PRH1: variants seen among roughly 807,000 people sequenced by gnomAD.
PRH1 encodes proline rich protein HaeIII subfamily 1, also known as salivary acidic proline-rich phosphoprotein 1/2.
Under a neutral mutation model 7.9 loss-of-function variants are expected in PRH1, and 7 were observed. That is an observed-to-expected ratio of 0.89 (90% CI 0.50 to 1.67). The LOEUF (loss-of-function observed/expected upper bound fraction) is 1.67. Ranked by LOEUF, PRH1 falls within the 40% of genes most tolerant of loss-of-function variation. The pLI is 0.00. For missense variants in PRH1, 109 were observed against 223.6 expected, an observed-to-expected ratio of 0.49 and a Z score of 3.27; for synonymous variants, 45 against 80.8, an observed-to-expected ratio of 0.56 and a Z score of 2.38.
intron 1 of PRH1, among the ~76,000 whole-genome samples, chr12:10,988,136 T>C (rs1939745267): frequency 6.6e-6 from 1 of 152,108 alleles, no homozygotes; most frequent in African/African-American, 2.4e-5. Context: ...GATGCAGAAC[T>C]TGGCCCATCT....
At chr12:11,045,515 C>T (rs571900043) in intron 1 of PRH1, among the ~76,000 whole-genome samples, 1 of 152,030 alleles carries the variant, frequency 6.6e-6, no homozygotes, top group African/African-American at 2.4e-5. Context: ...ATGCCTGTAT[C>T]AACACATCTC....
rs1239623935 is a variant in PRH1, at chr12:11,168,291, A to AG, written n.39+3130dup. Among the ~76,000 whole-genome samples the AG allele has an allele frequency of 5.8e-4, 9 of 15,392 alleles. 4 individuals are homozygous for AG. The highest frequency in any genetic ancestry group is 1.9e-3 in the African/African-American group (9 of 4,760). 10.1% of individuals were successfully genotyped at this position (15,392 alleles called of 152,430 possible). ...AAGAAAGAAAGAAAGAAAGAAAGAA[A>AG]GAAAGAAAGAAGGAAGGAAGGAAGG... On this transcript the variant is annotated intron_variant and non_coding_transcript_variant, in intron 1 of 1. Transcript: ENST00000541175.
chr12:10,905,608 G>A (rs1949791930), intron 2 of PRH1, among the ~76,000 whole-genome samples: 1 of 152,038 alleles, frequency 6.6e-6, no homozygotes, highest in Non-Finnish European at 1.5e-5. Context: ...GGAGGCAGCA[G>A]TGAGCTGAGA....
chr12:11,046,098 G>A (rs1565589227), intron 1 of PRH1, among the ~76,000 whole-genome samples: 2 of 152,098 alleles, frequency 1.3e-5, no homozygotes, highest in Non-Finnish European at 2.9e-5. Context: ...ATAACTTCCA[G>A]TTTTCTCCTT....
intron 1 of PRH1, among the ~76,000 whole-genome samples, chr12:11,093,924 G>C (rs150249323): frequency 0.018 from 2,004 of 114,236 alleles, 497 homozygotes; most frequent in African/African-American, 0.055. Flanking sequence ...AACTATTGAA[G>C]TCAGATTGCC....
intron 1 of PRH1, among the ~76,000 whole-genome samples, chr12:11,168,201 G>A (rs535747365): frequency 2.7e-5 from 1 of 37,056 alleles, no homozygotes; most frequent in Non-Finnish European, 8.0e-5. Flanking sequence ...GGCAAAAAAC[G>A]AAAGAAAGAA....
chr12:11,069,398 G>C (rs1400748246), intron 1 of PRH1, among the ~76,000 whole-genome samples: 53 of 151,146 alleles, frequency 3.5e-4, no homozygotes, highest in East Asian at 7.8e-4. Flanking sequence ...CAACACAACA[G>C]GCATCATTGC....
At chr12:10,913,143 G>A (rs913770322) in intron 2 of PRH1, among the ~76,000 whole-genome samples, 2 of 152,170 alleles carry the variant, frequency 1.3e-5, no homozygotes, top group African/African-American at 4.8e-5. Flanking sequence ...CACATGAGGT[G>A]ACATTATCTA....
At chr12:10,939,137 T>C in intron 2 of PRH1, 1 of 1,601,894 alleles carries the variant, frequency 6.2e-7, no homozygotes, top group South Asian at 1.1e-5. Context: ...TATGAAACTA[T>C]TTCCTAAATT....
At chr12:11,035,423 A>G (rs1942395661) in intron 1 of PRH1, among the ~76,000 whole-genome samples, 1 of 151,370 alleles carries the variant, frequency 6.6e-6, no homozygotes. Flanking sequence ...CTGGTTTTTA[A>G]CTCTATTGGA....
chr12:11,051,900 T>C (rs374222026), upstream of PRH1, among the ~76,000 whole-genome samples: 1 of 143,516 alleles, frequency 7.0e-6, no homozygotes, highest in African/African-American at 2.5e-5. Context: ...GATGTACATA[T>C]GGGCAGCTTC....
At chr12:11,005,219 C>T (rs539117093) in intron 1 of PRH1, among the ~76,000 whole-genome samples, 1 of 152,246 alleles carries the variant, frequency 6.6e-6, no homozygotes, top group East Asian at 1.9e-4. Flanking sequence ...AACACTATGT[C>T]CTGGCTATAA....
At chr12:10,963,095 C>T (rs1429496566) in intron 2 of PRH1, among the ~76,000 whole-genome samples, 1 of 151,768 alleles carries the variant, frequency 6.6e-6, no homozygotes. Flanking sequence ...ATGGTGCTTA[C>T]GTTGTACCAG....
intron 2 of PRH1, among the ~76,000 whole-genome samples, chr12:10,922,744 G>T (rs1950063667): frequency 1.3e-5 from 2 of 151,452 alleles, no homozygotes; most frequent in African/African-American, 4.8e-5. Flanking sequence ...TGTTTGTGAG[G>T]CTTCTGCTTT....
chr12:11,041,133 A>G (rs1158220117), intron 1 of PRH1, among the ~76,000 whole-genome samples: 1 of 148,310 alleles, frequency 6.7e-6, no homozygotes, highest in Non-Finnish European at 1.5e-5. Context: ...AAAATGGACT[A>G]AACTCTCCAA....
At position 11,109,386 on chromosome 12, in the gene PRH1, A is replaced by G. The variant is rs143138616; in HGVS notation, n.123+62036T>C. 1.1e-3 allele frequency among the ~76,000 whole-genome samples: 169 copies of G among 152,310 alleles called. 3 individuals are homozygous for G. In the East Asian group the frequency reaches 0.032, roughly 29 times the overall value. On this transcript the variant is annotated intron_variant and non_coding_transcript_variant, in intron 1 of 4. Coordinates refer to the PRH1 transcript ENST00000541977. ...GCCTCCTTACTGGGAGACATCTCCC[A>G]GCAATGGTGGACAGAAACCTCATAC...
chr12:10,943,890 C>T lies in PRH1; in HGVS notation c.-59+29765G>A, dbSNP rs767743739. Among the ~76,000 whole-genome samples, 4 of 152,036 alleles carry T rather than the reference C, an allele frequency of 2.6e-5. No individual in the cohort carries two copies. The South Asian group carries it at 8.3e-4, about 32-fold the overall frequency. On this transcript the variant is annotated intron_variant, in intron 2 of 3. Transcript: ENST00000539853. The stretch of plus-strand genomic sequence containing the variant: ...AGATTAGATAGTCATAAATGTGTGG[C>T]CTTATTTCTGGGATCTCTATTCTGT...
At chr12:10,938,609 A>G (rs777061649) in intron 2 of PRH1, 3 of 1,613,820 alleles carry the variant, frequency 1.9e-6, no homozygotes, top group Non-Finnish European at 8.5e-7. Flanking sequence ...GAAGATGAGG[A>G]GAAGAAACAT....
chr12:11,003,489 C>T (rs1175271603), intron 1 of PRH1, among the ~76,000 whole-genome samples: 1 of 151,948 alleles, frequency 6.6e-6, no homozygotes, highest in African/African-American at 2.4e-5. Flanking sequence ...TCCTCCCTCC[C>T]AAGTATCCCA....
Sources: gnomAD v4.1 joint callset for allele counts (sites outside exome capture counted in the v4.1 genomes callset) on GRCh38, gnomAD v4.1.1 for gene constraint, MANE v1.5 for transcripts, NCBI Gene and HGNC (gene_info 2026-07-23, HGNC 2026-07-21) for gene names.